Variants in BFSP2 observed in about 807,000 individuals in gnomAD.
The protein encoded by BFSP2 is phakinin.
In BFSP2, 38 loss-of-function variants were observed where a neutral mutation model predicts 44.9. The ratio of observed to expected loss-of-function variants is 0.85; its 90% CI spans 0.65 to 1.11. BFSP2 has a LOEUF of 1.11. Ranked by LOEUF, BFSP2 falls within the 50% of genes least tolerant of loss-of-function variation. BFSP2 has a pLI of 0.00. For synonymous variants in BFSP2, 197 were observed against 209.9 expected (o/e 0.94, Z 0.53); for missense variants, 525 against 533.0 (o/e 0.99, Z 0.15).
chr3:133,436,224 A>T (rs946957087), intron 1 of BFSP2, among the ~76,000 whole-genome samples: 6 of 150,874 alleles, frequency 4.0e-5, no homozygotes, highest in Admixed American at 1.3e-4. Context: ...TACTGGGTAG[A>T]CTGAGGCACA....
At chr3:133,467,048 G>A in intron 5 of BFSP2, 89 bp downstream of exon 5, 1 of 1,551,820 alleles carries the variant, frequency 6.4e-7, no homozygotes, top group Non-Finnish European at 8.8e-7. Flanking sequence ...TAGTTTCCAG[G>A]GGATTCCCAT....
chr3:133,460,951 T>G (rs965017442), intron 4 of BFSP2, among the ~76,000 whole-genome samples: 3 of 152,202 alleles, frequency 2.0e-5, no homozygotes, highest in African/African-American at 7.2e-5. Flanking sequence ...AGAAGACACA[T>G]GAGGCAGACA....
intron 1 of BFSP2, among the ~76,000 whole-genome samples, chr3:133,408,693 T>C (rs2073424208): frequency 6.6e-6 from 1 of 152,254 alleles, no homozygotes; most frequent in South Asian, 2.1e-4. Flanking sequence ...CTATAGCTAC[T>C]ATGGAGTGAT....
At chr3:133,435,612 C>T (rs116623467) in intron 1 of BFSP2, among the ~76,000 whole-genome samples, 4 of 152,256 alleles carry the variant, frequency 2.6e-5, no homozygotes, top group Non-Finnish European at 4.4e-5. Context: ...GTGGAAAGTT[C>T]GCTTAACTTT....
intron 1 of BFSP2, among the ~76,000 whole-genome samples, chr3:133,425,876 A>AGAAGG (rs1470064317): frequency 9.8e-6 from 1 of 102,378 alleles, no homozygotes; most frequent in African/African-American, 4.5e-5. Flanking sequence ...AGGGAAATAA[A>AGAAGG]GAAGGGAAGG....
intron 4 of BFSP2, among the ~76,000 whole-genome samples, chr3:133,461,993 C>G (rs1023347316): frequency 6.6e-5 from 10 of 152,128 alleles, no homozygotes; most frequent in Non-Finnish European, 1.2e-4. Context: ...TTTAGTTATC[C>G]TCTACCCACT....
chr3:133,441,837 C>T (rs1468433361), intron 1 of BFSP2, among the ~76,000 whole-genome samples: 2 of 152,044 alleles, frequency 1.3e-5, no homozygotes, highest in African/African-American at 4.8e-5. Flanking sequence ...TTAAAGAAAA[C>T]TAACAAAGCA....
intron 1 of BFSP2, among the ~76,000 whole-genome samples, chr3:133,439,405 T>C (rs1214722832): frequency 1.3e-5 from 2 of 152,202 alleles, no homozygotes; most frequent in African/African-American, 4.8e-5. Context: ...CTGAACTGGG[T>C]GCTAAGGAAG....
At chr3:133,441,039 C>CT (rs534254115) in intron 1 of BFSP2, among the ~76,000 whole-genome samples, 7,106 of 127,250 alleles carry the variant, frequency 0.056, 248 homozygotes, top group South Asian at 0.087. Flanking sequence ...CAGATGCAAT[C>CT]TTTTTTTTTT....
chr3:133,422,071 C>T (rs2073597731), intron 1 of BFSP2, among the ~76,000 whole-genome samples: 1 of 137,886 alleles, frequency 7.3e-6, no homozygotes, highest in East Asian at 2.3e-4. Context: ...AGCGCCACTG[C>T]ACTCCAGCCT....
At chr3:133,450,518 C>T in intron 4 of BFSP2, 54 bp downstream of exon 4, 1 of 1,603,492 alleles carries the variant, frequency 6.2e-7, no homozygotes, top group Non-Finnish European at 8.5e-7. Context: ...GGAGGCCACG[C>T]TGAGCTGCAA....
intron 5 of BFSP2, among the ~76,000 whole-genome samples, chr3:133,470,418 A>C (rs2074151584): frequency 6.6e-6 from 1 of 152,242 alleles, no homozygotes; most frequent in Non-Finnish European, 1.5e-5. Flanking sequence ...ATCAAAATTT[A>C]ATTCAATCCA....
intron 4 of BFSP2, among the ~76,000 whole-genome samples, chr3:133,454,365 T>C (rs566428588): frequency 6.6e-4 from 101 of 152,160 alleles, no homozygotes; most frequent in Non-Finnish European, 1.2e-3. Flanking sequence ...CCTATGCTCT[T>C]ACAAAATGCT....
At chr3:133,473,263 C>T (rs1464793051) in intron 6 of BFSP2, among the ~76,000 whole-genome samples, 3 of 152,070 alleles carry the variant, frequency 2.0e-5, no homozygotes, top group East Asian at 3.9e-4. Context: ...AACAGGTGAT[C>T]TAGGCTGCTC....
chr3:133,434,264 A>G (rs1576576733), intron 1 of BFSP2, among the ~76,000 whole-genome samples: 1 of 152,054 alleles, frequency 6.6e-6, no homozygotes, highest in African/African-American at 2.4e-5. Flanking sequence ...TAGTTTTTCA[A>G]TTCATACAAA....
chr3:133,445,762 T>C (rs1378941365), intron 1 of BFSP2, among the ~76,000 whole-genome samples: 1 of 152,128 alleles, frequency 6.6e-6, no homozygotes, highest in East Asian at 1.9e-4. Context: ...TGTGTGTAGG[T>C]TATATGCAAA....
chr3:133,437,314 G>A (rs2073796957), intron 1 of BFSP2, among the ~76,000 whole-genome samples: 1 of 152,064 alleles, frequency 6.6e-6, no homozygotes, highest in Non-Finnish European at 1.5e-5. Flanking sequence ...ACCTGAGGTT[G>A]GAAGTTCGAG....
chr3:133,447,441 A>AG, intron 2 of BFSP2, 42 bp downstream of exon 2: 1 of 1,587,760 alleles, frequency 6.3e-7, no homozygotes, highest in Non-Finnish European at 8.6e-7. Flanking sequence ...CCACATCCCT[A>AG]GACTCCTAGG....
In BFSP2 at chr3:133,462,420, G is replaced by T. The variant is rs369734057; in HGVS notation, c.892-4408G>T. Among the ~76,000 whole-genome samples the T allele has an allele frequency of 4.0e-4, 61 of 152,306 alleles. No individual in the cohort carries two copies. In the East Asian group the frequency reaches 0.01, roughly 25 times the overall value. On this transcript the variant is annotated intron_variant, in intron 4 of 6. Coordinates refer to ENST00000302334, the MANE Select transcript of BFSP2 (RefSeq NM_003571.4). ...GAAACCAGTAAATATCACGGAAGCT[G>T]CTCACTGGATTGAGAGGGGACAAAT...
Sources: allele counts gnomAD v4.1 joint callset (sites outside exome capture counted in the v4.1 genomes callset), GRCh38; gene constraint gnomAD v4.1.1; transcripts MANE v1.5; gene names NCBI Gene and HGNC (gene_info 2026-07-23, HGNC 2026-07-21).